The following PLPP1 variants were observed in gnomAD, a reference collection of about 807,000 sequenced individuals.
PLPP1 encodes lipid phosphate phosphohydrolase 1a.
Under a neutral mutation model 31.2 loss-of-function variants are expected in PLPP1, and 24 were observed. That is an observed-to-expected ratio of 0.77 (90% CI 0.56 to 1.08). PLPP1 has a LOEUF of 1.08. Among genes scored for constraint, PLPP1 ranks in the 50% least tolerant of loss-of-function variants. The pLI is 0.00. For synonymous variants in PLPP1, 146 were observed against 126.3 expected (o/e 1.16, Z -1.05); for missense variants, 319 against 342.7 (o/e 0.93, Z 0.55).
intron 1 of PLPP1, chr5:55,530,684 T>A (rs1355036746): frequency 6.3e-7 from 1 of 1,594,102 alleles, no homozygotes; most frequent in East Asian, 2.2e-5. Flanking sequence ...CTAAGGCCCG[T>A]TCAGGGCATG....
At chr5:55,478,958 G>C (rs371253623) in intron 1 of PLPP1, among the ~76,000 whole-genome samples, 13 of 151,516 alleles carry the variant, frequency 8.6e-5, no homozygotes, top group African/African-American at 2.9e-4. Context: ...AAAGGCCTTA[G>C]AAATATTTTT....
intron 1 of PLPP1, among the ~76,000 whole-genome samples, chr5:55,529,427 T>C (rs1740579574): frequency 6.6e-6 from 1 of 152,118 alleles, no homozygotes; most frequent in South Asian, 2.1e-4. Flanking sequence ...CTACTGAAAA[T>C]TCTGAGGCCA....
At chr5:55,503,270 A>G (rs903857632) in intron 1 of PLPP1, among the ~76,000 whole-genome samples, 5 of 152,256 alleles carry the variant, frequency 3.3e-5, no homozygotes, top group African/African-American at 1.2e-4. Flanking sequence ...ATTTATGCTT[A>G]TAACATATCA....
At chr5:55,521,701 C>T (rs897428178) in intron 1 of PLPP1, among the ~76,000 whole-genome samples, 7 of 152,058 alleles carry the variant, frequency 4.6e-5, no homozygotes, top group Admixed American at 3.9e-4. Flanking sequence ...CTGTCTTCTA[C>T]CATAAGTAAT....
intron 1 of PLPP1, among the ~76,000 whole-genome samples, chr5:55,509,383 G>A (rs2111904726): frequency 6.6e-6 from 1 of 152,292 alleles, no homozygotes; most frequent in South Asian, 2.1e-4. Flanking sequence ...TCAAAGAACA[G>A]TGCACCCTCA....
At chr5:55,425,763 GTCT>G (rs1305995294) in intron 5 of PLPP1, 97 bp downstream of exon 5, 1 of 1,164,300 alleles carries the variant, frequency 8.6e-7, no homozygotes, top group Non-Finnish European at 1.2e-6. Context: ...CCACTGCATA[GTCT>G]TCTCCTCAGC....
chr5:55,445,998 A>G, intron 3 of PLPP1, among the ~76,000 whole-genome samples: 1 of 152,018 alleles, frequency 6.6e-6, no homozygotes, highest in East Asian at 1.9e-4. Context: ...TTTCTGGGTA[A>G]TCTGTCTTTT....
intron 3 of PLPP1, among the ~76,000 whole-genome samples, chr5:55,466,520 T>C (rs1752298770): frequency 6.6e-6 from 1 of 151,842 alleles, no homozygotes; most frequent in African/African-American, 2.4e-5. Context: ...CTGGAAAACA[T>C]GGTAAAACCC....
At chr5:55,534,523 C>G in intron 1 of PLPP1, 49 bp downstream of exon 1, 2 of 1,508,394 alleles carry the variant, frequency 1.3e-6, no homozygotes, top group Non-Finnish European at 1.8e-6. Flanking sequence ...CGCTAAAGCC[C>G]TCCCGGGACA....
At chr5:55,512,926 T>C (rs1008895948) in intron 1 of PLPP1, among the ~76,000 whole-genome samples, 2 of 152,232 alleles carry the variant, frequency 1.3e-5, no homozygotes, top group African/African-American at 2.4e-5. Flanking sequence ...CAAGGCAGGA[T>C]AGTGAATCAA....
chr5:55,439,381 T>C (rs1751569319), intron 4 of PLPP1, among the ~76,000 whole-genome samples: 3 of 152,172 alleles, frequency 2.0e-5, no homozygotes, highest in African/African-American at 7.2e-5. Context: ...CTCGCTTCCA[T>C]TTTCTGTACT....
intron 3 of PLPP1, among the ~76,000 whole-genome samples, chr5:55,460,110 A>G (rs893510546): frequency 6.6e-6 from 1 of 152,196 alleles, no homozygotes; most frequent in Non-Finnish European, 1.5e-5. Context: ...TGGGGGAGTC[A>G]AAAGTTATTA....
chr5:55,490,152 T>C (rs1752857753), intron 1 of PLPP1, among the ~76,000 whole-genome samples: 1 of 143,770 alleles, frequency 7.0e-6, no homozygotes, highest in African/African-American at 2.5e-5. Context: ...TTCTTTTTTT[T>C]TTTTTTTTTT....
intron 3 of PLPP1, among the ~76,000 whole-genome samples, chr5:55,465,435 T>C (rs187195092): frequency 2.0e-5 from 3 of 152,278 alleles, no homozygotes; most frequent in Non-Finnish European, 2.9e-5. Flanking sequence ...GAAGAAGAAA[T>C]CATGATAATT....
intron 1 of PLPP1, among the ~76,000 whole-genome samples, chr5:55,522,441 G>C (rs1753691102): frequency 6.6e-6 from 1 of 152,024 alleles, no homozygotes; most frequent in South Asian, 2.1e-4. Flanking sequence ...TGTTGCCCAG[G>C]CTGGAAGTGC....
chr5:55,473,424 A>G (rs1364027480), intron 2 of PLPP1, among the ~76,000 whole-genome samples: 1 of 152,214 alleles, frequency 6.6e-6, no homozygotes, highest in Non-Finnish European at 1.5e-5. Flanking sequence ...ACAGTCTTAT[A>G]AAACAAATAT....
chr5:55,522,788 G>A (rs953038549), intron 1 of PLPP1, among the ~76,000 whole-genome samples: 2 of 151,866 alleles, frequency 1.3e-5, no homozygotes, highest in African/African-American at 2.4e-5. Context: ...GCGCAATCTC[G>A]GCTCACTGCA....
intron 2 of PLPP1, among the ~76,000 whole-genome samples, chr5:55,473,988 T>G (rs1752477735): frequency 2.7e-5 from 1 of 37,324 alleles, no homozygotes; most frequent in South Asian, 1.2e-3. Flanking sequence ...GTTTTTTTGT[T>G]TGTTTGTTGT....
At chr5:55,486,686 G>T (rs529307806) in intron 1 of PLPP1, among the ~76,000 whole-genome samples, 1 of 151,936 alleles carries the variant, frequency 6.6e-6, no homozygotes. Flanking sequence ...AGGCCGAGGC[G>T]GGCAGATCAC....
Sources: allele counts gnomAD v4.1 joint callset (sites outside exome capture counted in the v4.1 genomes callset), GRCh38; gene constraint gnomAD v4.1.1; transcripts MANE v1.5; gene names NCBI Gene and HGNC (gene_info 2026-07-23, HGNC 2026-07-21).